EXOC6B: variants seen among roughly 807,000 people sequenced by gnomAD.
EXOC6B encodes the protein exocyst complex component 6B.
EXOC6B carries 54 observed loss-of-function variants against 113.5 expected under a neutral mutation model. That is an observed-to-expected ratio of 0.48 (90% CI 0.38 to 0.60). The LOEUF (loss-of-function observed/expected upper bound fraction) is 0.60. Ranked by LOEUF, EXOC6B falls within the 20% of genes least tolerant of loss-of-function variation. The pLI is 0.00. For missense variants in EXOC6B, 797 were observed against 977.5 expected, an observed-to-expected ratio of 0.82 and a Z score of 2.46; for synonymous variants, 357 against 339.0, an observed-to-expected ratio of 1.05 and a Z score of -0.58.
chr2:72,738,950 T>C (rs747074290), intron 2 of EXOC6B, among the ~76,000 whole-genome samples: 2 of 152,226 alleles, frequency 1.3e-5, no homozygotes, highest in Non-Finnish European at 2.9e-5. Flanking sequence ...TTTTGGTATA[T>C]AGTCTTCTAA....
chr2:72,555,143 C>A (rs1406841292), intron 8 of EXOC6B, among the ~76,000 whole-genome samples: 2 of 151,690 alleles, frequency 1.3e-5, no homozygotes, highest in Non-Finnish European at 2.9e-5. Flanking sequence ...ATTTTCTTAA[C>A]CCAGTCTATC....
chr2:72,423,199 C>T (rs926354511), intron 18 of EXOC6B, among the ~76,000 whole-genome samples: 17 of 152,026 alleles, frequency 1.1e-4, no homozygotes, highest in African/African-American at 2.2e-4. Context: ...ACACTCACCG[C>T]GAAAGTCTGC....
At chr2:72,291,576 A>G (rs1301764332) in intron 20 of EXOC6B, among the ~76,000 whole-genome samples, 1 of 152,166 alleles carries the variant, frequency 6.6e-6, no homozygotes, top group Non-Finnish European at 1.5e-5. Context: ...AATTTTCCTA[A>G]CTGATGTTTT....
chr2:72,274,190 A>C, intron 20 of EXOC6B, among the ~76,000 whole-genome samples: 1 of 152,142 alleles, frequency 6.6e-6, no homozygotes, highest in East Asian at 1.9e-4. Flanking sequence ...AGAGAAATAA[A>C]ATTACCTGAG....
intron 1 of EXOC6B, among the ~76,000 whole-genome samples, chr2:72,744,182 A>C (rs1681539634): frequency 6.6e-6 from 1 of 152,166 alleles, no homozygotes; most frequent in Non-Finnish European, 1.5e-5. Flanking sequence ...GGCTTGTGTA[A>C]GTATACTCTA....
intron 20 of EXOC6B, among the ~76,000 whole-genome samples, chr2:72,259,219 A>G (rs984338326): frequency 1.3e-4 from 20 of 152,140 alleles, no homozygotes; most frequent in African/African-American, 4.1e-4. Flanking sequence ...TCCCGCCTAG[A>G]TTAGTTTTGT....
At chr2:72,325,408 C>T (rs1358574193) in intron 20 of EXOC6B, among the ~76,000 whole-genome samples, 2 of 152,002 alleles carry the variant, frequency 1.3e-5, no homozygotes, top group African/African-American at 4.8e-5. Context: ...CTCAGAGGAT[C>T]GATCTCCCTA....
chr2:72,637,185 A>G (rs181665947), intron 6 of EXOC6B, among the ~76,000 whole-genome samples: 1 of 152,358 alleles, frequency 6.6e-6, no homozygotes, highest in East Asian at 1.9e-4. Flanking sequence ...AATGAAAAAA[A>G]CATTGCATTC....
chr2:72,491,370 TACC>T (rs1476286304), intron 16 of EXOC6B, among the ~76,000 whole-genome samples: 2 of 152,172 alleles, frequency 1.3e-5, no homozygotes, highest in Non-Finnish European at 2.9e-5. Flanking sequence ...CAGCTGTCTT[TACC>T]TATAGGTCAG....
chr2:72,674,955 CAAT>C (rs1676184558), intron 6 of EXOC6B, among the ~76,000 whole-genome samples: 1 of 152,196 alleles, frequency 6.6e-6, no homozygotes, highest in Non-Finnish European at 1.5e-5. Context: ...ATGTGTGTAA[CAAT>C]GATATTTAAA....
chr2:72,234,437 G>A (rs1347099869), intron 20 of EXOC6B, among the ~76,000 whole-genome samples: 3 of 152,088 alleles, frequency 2.0e-5, no homozygotes, highest in Non-Finnish European at 4.4e-5. Context: ...AGAATTAAAT[G>A]TAAAACATAA....
chr2:72,441,975 T>C (rs988526006), intron 18 of EXOC6B, among the ~76,000 whole-genome samples: 10 of 152,192 alleles, frequency 6.6e-5, no homozygotes. Flanking sequence ...GCCAATATCA[T>C]TGATGAACAT....
intron 20 of EXOC6B, among the ~76,000 whole-genome samples, chr2:72,317,366 C>G (rs1337590346): frequency 6.6e-6 from 1 of 151,972 alleles, no homozygotes; most frequent in African/African-American, 2.4e-5. Context: ...TCTCTATGCC[C>G]TATCATTTCA....
intron 11 of EXOC6B, among the ~76,000 whole-genome samples, chr2:72,501,351 A>T (rs957584910): frequency 1.3e-5 from 2 of 152,060 alleles, no homozygotes; most frequent in African/African-American, 4.8e-5. Context: ...CTCTCTCACA[A>T]TGTGACACAC....
intron 18 of EXOC6B, among the ~76,000 whole-genome samples, chr2:72,454,310 C>A (rs956609795): frequency 6.6e-6 from 1 of 152,082 alleles, no homozygotes; most frequent in Non-Finnish European, 1.5e-5. Context: ...TCAAGACCAA[C>A]CTGGGCAACA....
chr2:72,656,104 A>G (rs1674555358), intron 6 of EXOC6B, among the ~76,000 whole-genome samples: 1 of 152,162 alleles, frequency 6.6e-6, no homozygotes, highest in South Asian at 2.1e-4. Context: ...GCCCAAAAAC[A>G]TTTTGAACTG....
chr2:72,191,767 G>A (rs1042769352), intron 20 of EXOC6B, among the ~76,000 whole-genome samples: 2 of 152,158 alleles, frequency 1.3e-5, no homozygotes, highest in Non-Finnish European at 2.9e-5. Flanking sequence ...TTATTATTAG[G>A]ATAAAGCAGG....
At chr2:72,188,257 A>T (rs780299043) in intron 20 of EXOC6B, among the ~76,000 whole-genome samples, 22 of 152,246 alleles carry the variant, frequency 1.4e-4, no homozygotes, top group Admixed American at 3.9e-4. Context: ...TAGGGCAGCC[A>T]CTATCATCAT....
intron 8 of EXOC6B, among the ~76,000 whole-genome samples, chr2:72,524,334 T>C (rs1415386847): frequency 6.6e-6 from 1 of 152,064 alleles, no homozygotes; most frequent in East Asian, 1.9e-4. Context: ...AAGATTAGAC[T>C]ACAAAAATAT....
Sources: gnomAD v4.1 joint callset for allele counts (sites outside exome capture counted in the v4.1 genomes callset) on GRCh38, gnomAD v4.1.1 for gene constraint, MANE v1.5 for transcripts, NCBI Gene and HGNC (gene_info 2026-07-23, HGNC 2026-07-21) for gene names.